The following ST6GALNAC3 variants were observed in gnomAD, a reference collection of about 807,000 sequenced individuals.
The protein encoded by ST6GALNAC3 is alpha-N-acetylgalactosaminide alpha-2,6-sialyltransferase 3.
ST6GALNAC3 carries 25 observed loss-of-function variants against 32.7 expected under a neutral mutation model. The observed-to-expected ratio is 0.76, with a 90% CI of 0.56 to 1.07. ST6GALNAC3 has a LOEUF of 1.07. Ranked by LOEUF, ST6GALNAC3 falls within the 50% of genes least tolerant of loss-of-function variation. ST6GALNAC3 has a pLI of 0.00. For synonymous variants in ST6GALNAC3, 129 were observed against 133.1 expected (o/e 0.97, Z 0.21); for missense variants, 355 against 382.4 (o/e 0.93, Z 0.60).
At chr1:76,457,581 A>G (rs1055745156) in intron 3 of ST6GALNAC3, among the ~76,000 whole-genome samples, 4 of 151,634 alleles carry the variant, frequency 2.6e-5, no homozygotes, top group South Asian at 2.1e-4. Flanking sequence ...ATAATGCCGC[A>G]TATCTACAAC....
At chr1:76,118,130 C>A (rs1283027436) in intron 1 of ST6GALNAC3, among the ~76,000 whole-genome samples, 2 of 152,088 alleles carry the variant, frequency 1.3e-5, no homozygotes, top group Non-Finnish European at 2.9e-5. Flanking sequence ...CTAATGCTCT[C>A]CCTCCCCTTG....
chr1:76,313,483 GA>G (rs2100895422), intron 1 of ST6GALNAC3, among the ~76,000 whole-genome samples: 1 of 152,186 alleles, frequency 6.6e-6, no homozygotes, highest in Admixed American at 6.6e-5. Context: ...TGAGCAATTA[GA>G]AAAGGTTTCC....
chr1:76,628,785 T>A lies in ST6GALNAC3; in HGVS notation c.897T>A (p.His299Gln), dbSNP rs1329624220. The change falls in exon 5 of 5, where the codon CAT becomes CAA. Residue 299 changes from histidine to glutamine, a missense_variant. His to Gln is a conservative substitution (Grantham distance 24, BLOSUM62 0). Transcript: ENST00000328299. ...AGAAGCACAGGATAATATTTACACA[T>A]CCAAACTGGACATTGTCTTGATAAT... ...WAKKHRIIFT[H>Q]PNWTLS The A allele has an allele frequency of 6.2e-7, 1 of 1,611,474 alleles. No homozygotes were observed. Among genetic ancestry groups the A allele is most frequent in the East Asian group, 2.2e-5 (1 of 44,834 alleles).
At chr1:76,344,320 G>A (rs1024084575) in intron 2 of ST6GALNAC3, among the ~76,000 whole-genome samples, 2 of 152,198 alleles carry the variant, frequency 1.3e-5, no homozygotes, top group African/African-American at 4.8e-5. Flanking sequence ...GACTTACCTA[G>A]TCACATGATC....
At chr1:76,596,720 C>T (rs1647143807) in intron 3 of ST6GALNAC3, among the ~76,000 whole-genome samples, 1 of 152,106 alleles carries the variant, frequency 6.6e-6, no homozygotes, top group Non-Finnish European at 1.5e-5. Context: ...TAATATCAGC[C>T]TGGGACTTTT....
At chr1:76,468,946 C>T (rs1658839288) in intron 3 of ST6GALNAC3, among the ~76,000 whole-genome samples, 2 of 151,870 alleles carry the variant, frequency 1.3e-5, no homozygotes, top group South Asian at 4.2e-4. Flanking sequence ...AATTTCTTTC[C>T]TTGGCCACTG....
At chr1:76,454,078 G>A (rs11588841) in intron 3 of ST6GALNAC3, among the ~76,000 whole-genome samples, 18,177 of 151,976 alleles carry the variant, frequency 0.12, 1,377 homozygotes, top group Non-Finnish European at 0.17. Context: ...TGTTTGTTTT[G>A]TCTGATGTAA....
intron 3 of ST6GALNAC3, among the ~76,000 whole-genome samples, chr1:76,622,003 A>T (rs150452676): frequency 0.012 from 1,838 of 152,096 alleles, 16 homozygotes; most frequent in Middle Eastern, 0.031. Flanking sequence ...TGCCAATACC[A>T]TGCTCTCCAA....
chr1:76,209,123 A>G (rs1475429977), intron 1 of ST6GALNAC3, among the ~76,000 whole-genome samples: 2 of 152,132 alleles, frequency 1.3e-5, no homozygotes, highest in Admixed American at 6.5e-5. Context: ...TAGAATTTTC[A>G]GACTGTTACT....
chr1:76,394,459 T>C (rs1170111012), intron 2 of ST6GALNAC3, among the ~76,000 whole-genome samples: 1 of 152,178 alleles, frequency 6.6e-6, no homozygotes, highest in Non-Finnish European at 1.5e-5. Flanking sequence ...TTAATCCATA[T>C]TGAAAATTTG....
intron 3 of ST6GALNAC3, among the ~76,000 whole-genome samples, chr1:76,609,082 A>G (rs922919604): frequency 1.8e-4 from 28 of 152,312 alleles, no homozygotes; most frequent in Admixed American, 1.7e-3. Flanking sequence ...CTGTAATCCC[A>G]GCACTTGAGA....
intron 3 of ST6GALNAC3, among the ~76,000 whole-genome samples, chr1:76,417,801 T>A (rs1472693928): frequency 6.6e-6 from 1 of 152,152 alleles, no homozygotes; most frequent in Non-Finnish European, 1.5e-5. Context: ...AGGTCTTAAT[T>A]AGCTGGTGCC....
chr1:76,372,841 C>T (rs938817112), intron 2 of ST6GALNAC3, among the ~76,000 whole-genome samples: 3 of 152,198 alleles, frequency 2.0e-5, no homozygotes, highest in African/African-American at 7.2e-5. Context: ...AAACCTATCT[C>T]CTCACAAAAG....
chr1:76,337,316 C>G (rs1415895511), intron 2 of ST6GALNAC3, among the ~76,000 whole-genome samples: 2 of 152,292 alleles, frequency 1.3e-5, no homozygotes, highest in African/African-American at 4.8e-5. Flanking sequence ...GGCCCAGAGG[C>G]AAGAGGGGTG....
chr1:76,363,468 C>T (rs576668675), intron 2 of ST6GALNAC3, among the ~76,000 whole-genome samples: 1 of 152,286 alleles, frequency 6.6e-6, no homozygotes, highest in East Asian at 1.9e-4. Flanking sequence ...ACAAGTCTAT[C>T]GGAAGTTCCA....
intron 3 of ST6GALNAC3, among the ~76,000 whole-genome samples, chr1:76,525,221 A>G (rs1287429583): frequency 6.6e-6 from 1 of 152,138 alleles, no homozygotes; most frequent in Non-Finnish European, 1.5e-5. Flanking sequence ...AGATACACAG[A>G]GGAGCCATGG....
At chr1:76,372,353 C>T (rs1570999620) in intron 2 of ST6GALNAC3, among the ~76,000 whole-genome samples, 1 of 152,012 alleles carries the variant, frequency 6.6e-6, no homozygotes, top group East Asian at 1.9e-4. Context: ...TTTTATTATA[C>T]ACAGACATGC....
chr1:76,146,771 G>A (rs2100308753), intron 1 of ST6GALNAC3, among the ~76,000 whole-genome samples: 1 of 152,282 alleles, frequency 6.6e-6, no homozygotes, highest in African/African-American at 2.4e-5. Flanking sequence ...TTGTTTGTTG[G>A]TTTAGCCTCA....
At chr1:76,237,479 A>G (rs1656723479) in intron 1 of ST6GALNAC3, among the ~76,000 whole-genome samples, 1 of 152,232 alleles carries the variant, frequency 6.6e-6, no homozygotes, top group African/African-American at 2.4e-5. Context: ...CTTTAGGTTC[A>G]TTGAAGAGGC....
Sources: gnomAD v4.1 joint callset for allele counts (sites outside exome capture counted in the v4.1 genomes callset) on GRCh38, gnomAD v4.1.1 for gene constraint, MANE v1.5 for transcripts, NCBI Gene and HGNC (gene_info 2026-07-23, HGNC 2026-07-21) for gene names.